Variants in HPN observed in about 807,000 individuals in gnomAD.
The protein encoded by HPN is serine protease hepsin.
A neutral mutation model predicts 55.9 loss-of-function variants in HPN; 13 were observed. The ratio of observed to expected loss-of-function variants is 0.23; its 90% CI spans 0.15 to 0.37. HPN has a LOEUF of 0.37. HPN is among the 10% of genes least tolerant of loss of function. The pLI is 1.00. For synonymous variants in HPN, 225 were observed against 240.3 expected, an observed-to-expected ratio of 0.94 and a Z score of 0.59; for missense variants, 451 against 575.8, an observed-to-expected ratio of 0.78 and a Z score of 2.22.
intron 9 of HPN, among the ~76,000 whole-genome samples, chr19:35,061,484 C>G (rs919892112): frequency 6.6e-6 from 1 of 151,940 alleles, no homozygotes; most frequent in Non-Finnish European, 1.5e-5. Context: ...ATCCCAGCTA[C>G]TCGGGAGGAT....
intron 9 of HPN, among the ~76,000 whole-genome samples, chr19:35,064,549 G>A (rs2064578113): frequency 6.6e-6 from 1 of 151,798 alleles, no homozygotes; most frequent in South Asian, 2.1e-4. Context: ...GATTGCTTGA[G>A]CCCAGGAGGT....
intron 9 of HPN, among the ~76,000 whole-genome samples, chr19:35,061,233 C>T (rs776984974): frequency 6.6e-6 from 1 of 152,222 alleles, no homozygotes; most frequent in Non-Finnish European, 1.5e-5. Context: ...CGCGGTGGCT[C>T]ATGCCTGTAA....
intron 4 of HPN, among the ~76,000 whole-genome samples, chr19:35,055,311 C>A (rs1453115151): frequency 6.6e-6 from 1 of 151,572 alleles, no homozygotes; most frequent in Non-Finnish European, 1.5e-5. Context: ...GCGGGAGGAT[C>A]GTTTGAGCCC....
At chr19:35,062,560 G>C (rs1290408179) in intron 9 of HPN, among the ~76,000 whole-genome samples, 1 of 152,038 alleles carries the variant, frequency 6.6e-6, no homozygotes, top group Non-Finnish European at 1.5e-5. Flanking sequence ...TCTTCCTTTT[G>C]GATTAAAAGC....
intron 4 of HPN, among the ~76,000 whole-genome samples, chr19:35,056,040 C>A (rs71352904): frequency 1.7e-3 from 256 of 152,334 alleles, no homozygotes; most frequent in Non-Finnish European, 2.5e-3. Flanking sequence ...GCACTCCCCC[C>A]AGTCCCCCAC....
At chr19:35,059,605 C>T (rs770631065) in intron 4 of HPN, 68 bp from the exon 5 acceptor site, 6 of 1,542,482 alleles carry the variant, frequency 3.9e-6, no homozygotes, top group East Asian at 2.4e-5. Context: ...GGAGGGGCTC[C>T]GGCTGGGGAA....
chr19:35,043,437 G>T (rs2151751838), intron 2 of HPN, among the ~76,000 whole-genome samples: 1 of 152,324 alleles, frequency 6.6e-6, no homozygotes, highest in Admixed American at 6.5e-5. Flanking sequence ...GCCGGGCTCA[G>T]TCCTGGGCAG....
intron 1 of HPN, 59 bp downstream of exon 1, chr19:35,041,931 C>G: frequency 7.9e-7 from 1 of 1,264,306 alleles, no homozygotes; most frequent in Non-Finnish European, 1.0e-6. Context: ...GTTCCCTCAT[C>G]CCCCCACCCA....
At chr19:35,042,329 C>T (rs1252450589) in intron 1 of HPN, 124 bp from the exon 2 acceptor site, 25 of 1,416,858 alleles carry the variant, frequency 1.8e-5, no homozygotes, top group Non-Finnish European at 1.9e-5. Flanking sequence ...TCCGTGATCA[C>T]GGCGTGCTCT....
At chr19:35,056,182 G>C (rs1240351199) in intron 4 of HPN, among the ~76,000 whole-genome samples, 1 of 151,802 alleles carries the variant, frequency 6.6e-6, no homozygotes, top group African/African-American at 2.4e-5. Context: ...TCCTTGCAGC[G>C]ACTGAAAAGT....
At chr19:35,044,568 T>C (rs2064323484) in intron 2 of HPN, among the ~76,000 whole-genome samples, 1 of 152,206 alleles carries the variant, frequency 6.6e-6, no homozygotes, top group Admixed American at 6.5e-5. Flanking sequence ...CCTGCTTCTC[T>C]TGTCTAACTT....
chr19:35,064,865 A>G (rs1568364088), intron 9 of HPN, among the ~76,000 whole-genome samples: 1 of 152,040 alleles, frequency 6.6e-6, no homozygotes, highest in South Asian at 2.1e-4. Context: ...TCTGTCGCCC[A>G]GGCTGGAGTG....
In HPN at chr19:35,060,921, G is replaced by A. The variant is rs2064524314; in HGVS notation, c.811+104G>A. ...ATCAACTTATGGCTCAGGCATCCTT[G>A]GCAATAAGGGGAATGATCTCGAGGG... On this transcript the variant is annotated intron_variant, in intron 9 of 12. Coordinates refer to ENST00000672452, the MANE Select transcript of HPN (RefSeq NM_001384133.1). 1.2e-5 allele frequency: 11 copies of A among 946,496 alleles called. No homozygotes were observed. The South Asian group carries it at 1.7e-4, about 14-fold the overall frequency. The allele number at this position is 946,496 out of a possible 1,614,324, so 58.6% of individuals were successfully genotyped here.
chr19:35,044,827 C>T lies in HPN; in HGVS notation c.16+2305C>T, dbSNP rs549501866. Among the ~76,000 whole-genome samples, 6 of 152,124 alleles carry T rather than the reference C, an allele frequency of 3.9e-5. No homozygotes were observed. In the East Asian group the frequency reaches 1.2e-3, roughly 29 times the overall value. On this transcript the variant is annotated intron_variant, in intron 2 of 12. Transcript: ENST00000672452. Reference sequence around the variant, plus strand: ...GGATTTGGTGTCTCAGTAGGTTCCCCAAGCCTCCGTGTGGAGGGTGCGCTA... The same window carrying T: ...GGATTTGGTGTCTCAGTAGGTTCCCTAAGCCTCCGTGTGGAGGGTGCGCTA...
intron 2 of HPN, among the ~76,000 whole-genome samples, chr19:35,045,431 T>G (rs926834021): frequency 6.6e-6 from 1 of 151,380 alleles, no homozygotes; most frequent in South Asian, 2.1e-4. Flanking sequence ...ACCAGTTGAG[T>G]GGATTTTCAG....
At chr19:35,064,025 C>T (rs2064568948) in intron 9 of HPN, among the ~76,000 whole-genome samples, 1 of 152,212 alleles carries the variant, frequency 6.6e-6, no homozygotes, top group Non-Finnish European at 1.5e-5. Context: ...GTTATATGAA[C>T]ACTTGCTGTT....
chr19:35,060,335 CTT>C lies in HPN; in HGVS notation c.455-11_455-10del. 6.2e-7 allele frequency: 1 copy of C among 1,610,644 alleles called. No homozygotes were observed. Among genetic ancestry groups the C allele is most frequent in the South Asian group, 1.1e-5 (1 of 91,078 alleles). On this transcript the variant is annotated splice_polypyrimidine_tract_variant and intron_variant, in intron 7 of 12. Coordinates refer to ENST00000672452, the MANE Select transcript of HPN (RefSeq NM_001384133.1). ...CCCCTGTCGCCGCCCCCTGCTGACC[CTT>C]GTCCCACAGACTGTGGCCGCAGGAA...
chr19:35,048,438 A>G (rs896764397), intron 2 of HPN, among the ~76,000 whole-genome samples: 4 of 152,272 alleles, frequency 2.6e-5, no homozygotes, highest in Non-Finnish European at 5.9e-5. Flanking sequence ...AGGCATCAAT[A>G]CAATTTGAGC....
intron 2 of HPN, among the ~76,000 whole-genome samples, chr19:35,048,876 A>T (rs1282729532): frequency 6.6e-6 from 1 of 152,248 alleles, no homozygotes; most frequent in Non-Finnish European, 1.5e-5. Context: ...CGACTGAGGC[A>T]GCGAGGAAAT....
Sources: allele counts gnomAD v4.1 joint callset (sites outside exome capture counted in the v4.1 genomes callset), GRCh38; gene constraint gnomAD v4.1.1; transcripts MANE v1.5; gene names NCBI Gene and HGNC (gene_info 2026-07-23, HGNC 2026-07-21).